Variants in JAKMIP3 observed in about 807,000 individuals in gnomAD.
JAKMIP3 encodes Janus kinase and microtubule interacting protein 3.
JAKMIP3 carries 58 observed loss-of-function variants against 118.5 expected under a neutral mutation model. The ratio of observed to expected loss-of-function variants is 0.49; its 90% confidence interval spans 0.40 to 0.61. The LOEUF is 0.61. Ranked by LOEUF, JAKMIP3 falls within the 20% of genes least tolerant of loss-of-function variation. JAKMIP3 has a pLI of 0.00. For missense variants in JAKMIP3, 950 were observed against 1,109.0 expected (o/e 0.86, Z 2.04); for synonymous variants, 486 against 451.2 (o/e 1.08, Z -0.98).
upstream of JAKMIP3, among the ~76,000 whole-genome samples, chr10:132,065,025 A>T (rs139165754): frequency 2.8e-3 from 425 of 152,240 alleles, 1 homozygote; most frequent in African/African-American, 7.8e-3. The surrounding 1 kb of genome is among the most constrained non-coding windows in gnomAD (Gnocchi z 5.6). Flanking sequence ...TGACCCCCAG[A>T]ACCTGGGCGT....
intron 3 of JAKMIP3, among the ~76,000 whole-genome samples, chr10:132,122,319 G>A (rs1386626238): frequency 6.6e-6 from 1 of 152,186 alleles, no homozygotes; most frequent in Non-Finnish European, 1.5e-5. Context: ...CGGCTGTCGG[G>A]GCCCTGACTG....
chr10:132,175,202 T>A (rs903302334), intron 23 of JAKMIP3, among the ~76,000 whole-genome samples: 1 of 152,218 alleles, frequency 6.6e-6, no homozygotes, highest in African/African-American at 2.4e-5. Flanking sequence ...ACAAATATTT[T>A]CTCCCATTTC....
chr10:132,056,663 C>G (rs143390870), intron 1 of JAKMIP3, among the ~76,000 whole-genome samples: 516 of 152,298 alleles, frequency 3.4e-3, no homozygotes, highest in Admixed American at 7.5e-3. Context: ...TTTTGTGAGG[C>G]CACCGAAGCT....
At chr10:132,043,513 G>A (rs956954113) in intron 1 of JAKMIP3, among the ~76,000 whole-genome samples, 2 of 152,246 alleles carry the variant, frequency 1.3e-5, no homozygotes, top group Admixed American at 1.3e-4. Flanking sequence ...GGGAAACGGG[G>A]TTGGATGCTG....
At chr10:132,099,261 T>C (rs557352013) in intron 1 of JAKMIP3, among the ~76,000 whole-genome samples, 2 of 152,186 alleles carry the variant, frequency 1.3e-5, no homozygotes, top group African/African-American at 4.8e-5. Flanking sequence ...ACTGTGGTGA[T>C]TCACCGGCGG....
At chr10:132,128,445 TGTCTTTTA>T (rs2050005847) in intron 3 of JAKMIP3, among the ~76,000 whole-genome samples, 1 of 152,238 alleles carries the variant, frequency 6.6e-6, no homozygotes, top group Non-Finnish European at 1.5e-5. Flanking sequence ...TCTGAAGGGA[TGTCTTTTA>T]CCAGATATGG....
At position 132,153,763 on chromosome 10, in the gene JAKMIP3, T is replaced by A; in HGVS notation, c.2078T>A (p.Leu693His). The A allele has an allele frequency of 6.2e-7, 1 of 1,613,080 alleles. No individual in the cohort carries two copies. The highest frequency in any genetic ancestry group is 8.5e-7 in the Non-Finnish European group (1 of 1,179,802). Residue 693 changes from leucine (L) to histidine (H), a missense_variant, in exon 18 of 24, where the codon CTC (leucine) becomes CAC (histidine). Leu to His is a moderately conservative substitution (Grantham distance 99). Transcript: ENST00000684848. ...GCTTGTTCTGTTTGTGTCCAGTGGC[T>A]CCAGCAGATTGAGGAGACAGAGGCG... ...RTVLTLAEKWLQQIEETEAAL... is the reference protein window; with the variant it reads ...RTVLTLAEKWHQQIEETEAAL...
intron 19 of JAKMIP3, among the ~76,000 whole-genome samples, chr10:132,157,279 C>T (rs1174342611): frequency 2.0e-5 from 3 of 152,092 alleles, no homozygotes; most frequent in Non-Finnish European, 4.4e-5. Context: ...CTGAGAAACC[C>T]ACCAGCTGCA....
In JAKMIP3 at chr10:132,168,454, G is replaced by A; in HGVS notation, c.*524G>A. The A allele has an allele frequency of 8.1e-7, 1 of 1,229,922 alleles. No individual in the cohort carries two copies. Among genetic ancestry groups the A allele is most frequent in the Middle Eastern group, 2.3e-4 (1 of 4,342 alleles). The allele number at this position is 1,229,922 out of a possible 1,614,324, so 76.2% of individuals were successfully genotyped here. A position where few individuals can be genotyped will look rare whatever the true frequency, so the allele number is the denominator to read the frequency against. On this transcript the variant is annotated 3_prime_UTR_variant, in exon 23 of 24. Coordinates refer to ENST00000684848, the MANE Select transcript of JAKMIP3 (RefSeq NM_001323087.2). ...GGGGAACCTGGAGGCTCCCTGGGAT[G>A]GTCCTGGGAGGGCTCCCCGACGCCT...
intron 1 of JAKMIP3, among the ~76,000 whole-genome samples, chr10:132,068,434 T>C (rs2039276277): frequency 6.6e-6 from 1 of 152,214 alleles, no homozygotes; most frequent in Admixed American, 6.5e-5. Flanking sequence ...AGATGACTCT[T>C]TTTGAAAGAG....
chr10:132,078,296 C>G (rs544947114), intron 1 of JAKMIP3, among the ~76,000 whole-genome samples: 1 of 152,134 alleles, frequency 6.6e-6, no homozygotes, highest in Non-Finnish European at 1.5e-5. Flanking sequence ...CTCTCAGTTG[C>G]ATCACACATT....
chr10:132,104,942 A>C lies in JAKMIP3; in HGVS notation c.134A>C (p.Lys45Thr), dbSNP rs767069355. Residue 45 changes from lysine (K) to threonine (T), a missense_variant and splice_region_variant, in exon 2 of 24, where the codon AAG (lysine) becomes ACG (threonine). Coordinates refer to ENST00000684848, the MANE Select transcript of JAKMIP3 (RefSeq NM_001323087.2). Reference sequence around the variant, plus strand: ...ATCGAGCTGCAGCAGGAGAAGAGCAAGGTGGGCGCTCCCCAGACCTCCACC... The same window carrying C: ...ATCGAGCTGCAGCAGGAGAAGAGCACGGTGGGCGCTCCCCAGACCTCCACC... ...IQIELQQEKS[K>T]VSKVEREKNQ... is the part of the protein sequence containing the mutation. 6.9e-6 allele frequency: 11 copies of C among 1,588,886 alleles called. No homozygotes were observed. The highest frequency in any genetic ancestry group is 9.4e-6 in the Non-Finnish European group (11 of 1,167,962).
At chr10:132,158,101 G>GCCCCGCCCCA (rs1404400612) in intron 19 of JAKMIP3, among the ~76,000 whole-genome samples, 1 of 20,956 alleles carries the variant, frequency 4.8e-5, no homozygotes, top group African/African-American at 1.5e-4. Flanking sequence ...GCCCCGCCCC[G>GCCCCGCCCCA]CCCCCGGCAG....
At chr10:132,108,891 A>G (rs2046322869) in intron 2 of JAKMIP3, among the ~76,000 whole-genome samples, 1 of 149,244 alleles carries the variant, frequency 6.7e-6, no homozygotes, top group African/African-American at 2.4e-5. Flanking sequence ...AAATGTATAT[A>G]TAAATTATAT....
At position 132,117,758 on chromosome 10, in the gene JAKMIP3, C is replaced by T. The variant is rs558886720; in HGVS notation, c.633+184C>T. Among the ~76,000 whole-genome samples the T allele has an allele frequency of 4.6e-5, 7 of 152,244 alleles. No individual in the cohort carries two copies. The highest frequency in any genetic ancestry group is 1.9e-4 in the East Asian group (1 of 5,162). ...TGCCACCCCTGTTGGTTTTGAGGAC[C>T]CTAGAGTCACGAGACCACTAGAAAA... is the stretch of plus-strand genomic sequence containing the variant. On this transcript the variant is annotated intron_variant, in intron 3 of 23. Transcript: ENST00000684848. This position sits in a 1 kb window ranked among gnomAD's most constrained non-coding sequence, Gnocchi z 8.6.
At chr10:132,106,592 C>G (rs1426391943) in intron 2 of JAKMIP3, among the ~76,000 whole-genome samples, 1 of 152,188 alleles carries the variant, frequency 6.6e-6, no homozygotes, top group African/African-American at 2.4e-5. Context: ...AGGCCGATGG[C>G]ATGGGGACAC....
intron 1 of JAKMIP3, among the ~76,000 whole-genome samples, chr10:132,041,750 G>A (rs745767138): frequency 3.3e-5 from 5 of 152,202 alleles, no homozygotes; most frequent in Non-Finnish European, 5.9e-5. Context: ...GAACTGTCGC[G>A]TGGCCAGCCT....
rs1183653107 is a variant in JAKMIP3 at position 132,117,642 on chromosome 10, CG to C, written c.633+71del. 2 of 841,988 alleles carry C rather than the reference CG, an allele frequency of 2.4e-6. No individual in the cohort carries two copies. 52.2% of individuals were successfully genotyped at this position (841,988 alleles called of 1,614,324 possible). ...GCGGGCGTGGGCGAGGGTGCAGGGG[CG>C]GGCGTGGGCGAGGGTGCAGGCGTGG... On this transcript the variant is annotated intron_variant, in intron 3 of 23. Transcript: ENST00000684848. This position sits in a 1 kb window ranked among gnomAD's most constrained non-coding sequence, Gnocchi z 8.6.
chr10:132,059,475 C>A (rs913523867), intron 1 of JAKMIP3, among the ~76,000 whole-genome samples: 2 of 152,232 alleles, frequency 1.3e-5, no homozygotes, highest in Non-Finnish European at 2.9e-5. Context: ...GCGTGGTGAC[C>A]ACAGCAAGGA....
Sources: gnomAD v4.1 joint callset for allele counts (sites outside exome capture counted in the v4.1 genomes callset) on GRCh38, gnomAD v4.1.1 for gene constraint, Gnocchi (gnomAD v3.1) non-coding constraint, MANE v1.5 for transcripts, NCBI Gene and HGNC (gene_info 2026-07-23, HGNC 2026-07-21) for gene names.